Variants in PFKFB3 observed in about 807,000 individuals in gnomAD.
PFKFB3 encodes the protein 6-phosphofructo-2-kinase/fructose-2,6-bisphosphatase 3.
PFKFB3 carries 33 observed loss-of-function variants against 68.0 expected under a neutral mutation model. The observed-to-expected ratio is 0.49, with a 90% confidence interval of 0.37 to 0.65. The LOEUF is 0.65. Among genes scored for constraint, PFKFB3 ranks in the 30% least tolerant of loss-of-function variants. The probability of loss-of-function intolerance (pLI) is 0.00; values close to 1 mark genes in which losing one functional copy is unlikely to be tolerated. For synonymous variants in PFKFB3, 315 were observed against 288.2 expected (o/e 1.09, Z -0.94); for missense variants, 586 against 712.2 (o/e 0.82, Z 2.02).
chr10:6,219,386 C>G, intron 6 of PFKFB3, 183 bp from the exon 7 acceptor site: 1 of 596,124 alleles, frequency 1.7e-6, no homozygotes, highest in Non-Finnish European at 3.0e-6. Flanking sequence ...GGAATCCTCC[C>G]CATGTAACAT....
the PFKFB3 span, among the ~76,000 whole-genome samples, chr10:6,262,298 C>CA: frequency 1.3e-5 from 2 of 150,702 alleles, no homozygotes; most frequent in African/African-American, 2.4e-5. Context: ...ACTAAAAATA[C>CA]AAAAAATTAG....
chr10:6,173,625 A>AGG (rs1404807052), intron 1 of PFKFB3, among the ~76,000 whole-genome samples: 4 of 152,032 alleles, frequency 2.6e-5, no homozygotes, highest in Admixed American at 6.6e-5. Flanking sequence ...GTAGACACAG[A>AGG]GGGAATAGAC....
At chr10:6,205,779 A>ATTATTTATTTATTTAT (rs57825789) in intron 1 of PFKFB3, among the ~76,000 whole-genome samples, 77 of 146,286 alleles carry the variant, frequency 5.3e-4, no homozygotes, top group East Asian at 3.3e-3. Context: ...CCTGAGGTTT[A>ATTATTTATTTATTTAT]TTATTTATTT....
the PFKFB3 span, among the ~76,000 whole-genome samples, chr10:6,268,026 G>T: frequency 1.3e-5 from 2 of 150,442 alleles, no homozygotes; most frequent in African/African-American, 4.9e-5. Context: ...TAAACCATGT[G>T]TAGTGTCCTG....
chr10:6,273,232 A>G, the PFKFB3 span, among the ~76,000 whole-genome samples: 441 of 152,044 alleles, frequency 2.9e-3, 2 homozygotes, highest in African/African-American at 0.01. Flanking sequence ...GATGTGATCC[A>G]TATTCTCATG....
At chr10:6,166,002 CGAA>C (rs1175727410) in intron 1 of PFKFB3, among the ~76,000 whole-genome samples, 1 of 133,818 alleles carries the variant, frequency 7.5e-6, no homozygotes, top group Admixed American at 8.4e-5. Context: ...TTTTTTGAGA[CGAA>C]GTCTCACTCT....
In PFKFB3 at chr10:6,228,092, G is replaced by A. The variant is rs566821852; in HGVS notation, c.1515+1727G>A. ...TCAGGGTGGCCAGGTTCTTAGGGACGTCTGAAGCTGCTGGCTGGGCCGGCG... is the reference window on the plus strand; with the variant it reads ...TCAGGGTGGCCAGGTTCTTAGGGACATCTGAAGCTGCTGGCTGGGCCGGCG... On this transcript the variant is annotated intron_variant, in intron 14 of 14. Coordinates refer to ENST00000379775, the MANE Select transcript of PFKFB3 (RefSeq NM_004566.4). This position sits in a 1 kb window ranked among gnomAD's most constrained non-coding sequence, Gnocchi z 4.5. The A allele has an allele frequency of 1.3e-5, 17 of 1,275,732 alleles. No homozygotes were observed. Among genetic ancestry groups the A allele is most frequent in the African/African-American group, 4.4e-5 (3 of 68,412 alleles). The allele number at this position is 1,275,732 out of a possible 1,614,324, so 79.0% of individuals were successfully genotyped here.
At chr10:6,323,138 A>G in the PFKFB3 span, among the ~76,000 whole-genome samples, 2 of 152,246 alleles carry the variant, frequency 1.3e-5, no homozygotes, top group African/African-American at 4.8e-5. Context: ...TCTCCAGAGA[A>G]GCAGAACCCA....
At chr10:6,205,388 CTTTTTTTTTTTT>C (rs3084014) in intron 1 of PFKFB3, among the ~76,000 whole-genome samples, 1 of 106,540 alleles carries the variant, frequency 9.4e-6, no homozygotes, top group African/African-American at 3.7e-5. Flanking sequence ...TTCTTTCTTC[CTTTTTTTTTTTT>C]TTTTTTTTTT....
At position 6,203,010 on chromosome 10, in the gene PFKFB3, T is replaced by G; in HGVS notation, c.-251T>G. On this transcript the variant is annotated 5_prime_UTR_variant, in exon 1 of 15. Transcript: ENST00000379775. ...TCACTGCGCCCGAGCATCCCAGAGC[T>G]TTCCGAGCGGACGAGCCGGCCGTGC... is the stretch of plus-strand genomic sequence containing the variant. 1 of 1,364,812 alleles carries G rather than the reference T, an allele frequency of 7.3e-7. No individual in the cohort carries two copies. The highest frequency in any genetic ancestry group is 1.6e-5 in the South Asian group (1 of 61,192). The allele number at this position is 1,364,812 out of a possible 1,614,324, so 84.5% of individuals were successfully genotyped here.
intron 1 of PFKFB3, among the ~76,000 whole-genome samples, chr10:6,176,731 G>A (rs1842485534): frequency 6.6e-6 from 1 of 152,138 alleles, no homozygotes; most frequent in Non-Finnish European, 1.5e-5. Flanking sequence ...AGTGACTTGG[G>A]TGCCAGGAGA....
At chr10:6,323,481 C>T in the PFKFB3 span, among the ~76,000 whole-genome samples, 1 of 152,210 alleles carries the variant, frequency 6.6e-6, no homozygotes, top group Non-Finnish European at 1.5e-5. Context: ...TCCTGTCCAG[C>T]CTCATGCCCC....
chr10:6,213,431 G>A (rs1330819033), intron 1 of PFKFB3, among the ~76,000 whole-genome samples, 192 bp from the exon 2 acceptor site: 1 of 152,162 alleles, frequency 6.6e-6, no homozygotes, highest in East Asian at 1.9e-4. Flanking sequence ...AAGGCCGGAG[G>A]ATTGTTTAAG....
chr10:6,308,508 T>C, the PFKFB3 span, among the ~76,000 whole-genome samples: 1 of 152,164 alleles, frequency 6.6e-6, no homozygotes, highest in Non-Finnish European at 1.5e-5. Context: ...AGAGAGAGAC[T>C]CTGTCTCAAA....
At chr10:6,172,690 C>T (rs139975143) in intron 1 of PFKFB3, among the ~76,000 whole-genome samples, 19 of 152,074 alleles carry the variant, frequency 1.2e-4, no homozygotes, top group South Asian at 4.2e-4. Flanking sequence ...GGTGTGGTGG[C>T]GCATACCTGT....
chr10:6,241,158 G>C (rs908660509), intron 14 of PFKFB3, among the ~76,000 whole-genome samples: 1 of 152,028 alleles, frequency 6.6e-6, no homozygotes, highest in Non-Finnish European at 1.5e-5. Context: ...ACCCACCTTG[G>C]CCTCCCAAAG....
At chr10:6,212,179 C>T (rs1844273265) in intron 1 of PFKFB3, among the ~76,000 whole-genome samples, 1 of 152,264 alleles carries the variant, frequency 6.6e-6, no homozygotes, top group Non-Finnish European at 1.5e-5. Context: ...GAGTGCTGGG[C>T]CGTGCCGCCC....
At chr10:6,184,673 C>T (rs1588438488) in intron 1 of PFKFB3, among the ~76,000 whole-genome samples, 1 of 150,832 alleles carries the variant, frequency 6.6e-6, no homozygotes, top group South Asian at 2.1e-4. Flanking sequence ...GGTTTTACCA[C>T]GTTGGCCAGG....
the PFKFB3 span, among the ~76,000 whole-genome samples, chr10:6,315,230 G>T: frequency 6.6e-6 from 1 of 152,186 alleles, no homozygotes; most frequent in Non-Finnish European, 1.5e-5. Flanking sequence ...AACAGGGGAG[G>T]GAGAGGGGCT....
Sources: allele counts gnomAD v4.1 joint callset (sites outside exome capture counted in the v4.1 genomes callset), GRCh38; gene constraint gnomAD v4.1.1; non-coding constraint Gnocchi (gnomAD v3.1); transcripts MANE v1.5; gene names NCBI Gene and HGNC (gene_info 2026-07-23, HGNC 2026-07-21).